The following FBXW4 variants were observed in gnomAD, a reference collection of about 807,000 sequenced individuals.
FBXW4 encodes F-box/WD repeat-containing protein 4.
In FBXW4, 40 loss-of-function variants were observed where a neutral mutation model predicts 61.8. That is an observed-to-expected ratio of 0.65 (90% CI 0.50 to 0.84). The LOEUF (loss-of-function observed/expected upper bound fraction) is 0.84. FBXW4 is among the 40% of genes least tolerant of loss of function. The pLI is 0.00. For missense variants in FBXW4, 672 were observed against 753.8 expected, an observed-to-expected ratio of 0.89 and a Z score of 1.27; for synonymous variants, 311 against 313.8, an observed-to-expected ratio of 0.99 and a Z score of 0.10.
intron 5 of FBXW4, among the ~76,000 whole-genome samples, chr10:101,657,600 A>T (rs975441753): frequency 7.5e-6 from 1 of 133,530 alleles, no homozygotes; most frequent in African/African-American, 2.8e-5. Flanking sequence ...TCATCACGCC[A>T]CTGTAGTCCA....
intron 1 of FBXW4, among the ~76,000 whole-genome samples, chr10:101,691,396 C>T (rs984720173): frequency 1.3e-5 from 2 of 152,152 alleles, no homozygotes; most frequent in African/African-American, 2.4e-5. Flanking sequence ...CCAGAAAACC[C>T]GAGCAGTGAC....
chr10:101,665,317 T>C (rs2064287676), intron 5 of FBXW4, among the ~76,000 whole-genome samples: 1 of 152,046 alleles, frequency 6.6e-6, no homozygotes, highest in African/African-American at 2.4e-5. Context: ...GGGAAGACCA[T>C]CTTAAAAACT....
chr10:101,674,924 G>A (rs1009830615), intron 2 of FBXW4, among the ~76,000 whole-genome samples: 2 of 152,164 alleles, frequency 1.3e-5, no homozygotes, highest in Non-Finnish European at 2.9e-5. Context: ...TCTACATAGG[G>A]GTTCTGGAGT....
At chr10:101,612,602 G>C (rs1045482307) in intron 6 of FBXW4, 125 bp from the exon 7 acceptor site, 2 of 1,126,614 alleles carry the variant, frequency 1.8e-6, no homozygotes, top group Non-Finnish European at 2.4e-6. Flanking sequence ...ACTCAAGGAA[G>C]GGGGCTCAGG....
chr10:101,660,887 G>A (rs1249585035), intron 5 of FBXW4, among the ~76,000 whole-genome samples: 1 of 152,066 alleles, frequency 6.6e-6, no homozygotes, highest in Non-Finnish European at 1.5e-5. Flanking sequence ...TTTACTTGTC[G>A]GTCTCTCCCA....
At chr10:101,672,323 G>C (rs1003296712) in intron 4 of FBXW4, among the ~76,000 whole-genome samples, 1 of 152,190 alleles carries the variant, frequency 6.6e-6, no homozygotes, top group African/African-American at 2.4e-5. Context: ...ATGTGGATGA[G>C]TCCATGAAGC....
At position 101,694,759 on chromosome 10, in the gene FBXW4, T is replaced by C; in HGVS notation, c.347A>G (p.Glu116Gly). 7.4e-7 allele frequency: 1 copy of C among 1,355,952 alleles called. No homozygotes were observed. 84.0% of individuals were successfully genotyped at this position (1,355,952 alleles called of 1,614,324 possible). ...CCTCCATTCCTCCTTCTTCCCATAC[T>C]CTCTTCCTTGTGCCTCCTTCCCGGC... is the stretch of plus-strand genomic sequence containing the variant. ...AGAGKEAQGREYGKKEEWRVR... is the reference protein window; with the variant it reads ...AGAGKEAQGRGYGKKEEWRVR... The change falls in exon 1 of 9, where the codon GAG (glutamate) becomes GGG (glycine). Residue 116 changes from glutamate to glycine, a missense_variant. Around this residue, in one of 5 missense-constraint regions of FBXW4, gnomAD observed 311 missense variants for 301.1 expected, o/e 1.03. Transcript: ENST00000331272. This position sits in a 1 kb window ranked among gnomAD's most constrained non-coding sequence, Gnocchi z 6.0.
intron 5 of FBXW4, among the ~76,000 whole-genome samples, chr10:101,632,740 C>G (rs2063969247): frequency 1.3e-5 from 2 of 152,150 alleles, no homozygotes. Context: ...GCCCCTTAAA[C>G]AACTGTTCCA....
chr10:101,614,063 C>T (rs1024011446), intron 6 of FBXW4, among the ~76,000 whole-genome samples: 1 of 152,252 alleles, frequency 6.6e-6, no homozygotes, highest in Non-Finnish European at 1.5e-5. Context: ...ATTCAGCCAC[C>T]CTGGGCAGGC....
intron 6 of FBXW4, among the ~76,000 whole-genome samples, chr10:101,619,173 T>C (rs956979570): frequency 1.3e-5 from 2 of 152,218 alleles, no homozygotes; most frequent in Non-Finnish European, 2.9e-5. Context: ...GATACTTCAG[T>C]GGTTGGTCAA....
At chr10:101,649,599 T>C (rs757031643) in intron 5 of FBXW4, among the ~76,000 whole-genome samples, 46 of 152,260 alleles carry the variant, frequency 3.0e-4, no homozygotes, top group Non-Finnish European at 5.7e-4. Flanking sequence ...TTCTTACTGA[T>C]GGGTTCCTTT....
At chr10:101,693,448 T>C (rs1424899819) in intron 1 of FBXW4, among the ~76,000 whole-genome samples, 1 of 152,208 alleles carries the variant, frequency 6.6e-6, no homozygotes, top group African/African-American at 2.4e-5. Context: ...CCCACAAACA[T>C]TTACTATGTA....
intron 5 of FBXW4, among the ~76,000 whole-genome samples, chr10:101,635,352 A>G (rs2063992215): frequency 6.6e-6 from 1 of 151,974 alleles, no homozygotes; most frequent in South Asian, 2.1e-4. Context: ...TTACAATATA[A>G]TAATAATAGA....
intron 5 of FBXW4, chr10:101,627,899 G>C (rs2063919878): frequency 1.1e-6 from 1 of 948,536 alleles, no homozygotes; most frequent in South Asian, 4.9e-5. Context: ...TGGTGGGGTG[G>C]GATCTGTGCA....
intron 5 of FBXW4, among the ~76,000 whole-genome samples, chr10:101,645,967 G>C (rs1370787580): frequency 2.0e-5 from 3 of 152,194 alleles, no homozygotes; most frequent in Admixed American, 6.5e-5. Flanking sequence ...GTAAACTGAG[G>C]ATGATGATGG....
chr10:101,694,868 A>G lies in FBXW4; in HGVS notation c.238T>C (p.Cys80Arg). The G allele has an allele frequency of 8.0e-7, 1 of 1,248,072 alleles. No homozygotes were observed. The highest frequency in any genetic ancestry group is 1.0e-6 in the Non-Finnish European group (1 of 997,750). The allele number at this position is 1,248,072 out of a possible 1,614,324, so 77.3% of individuals were successfully genotyped here. A position where few individuals can be genotyped will look rare whatever the true frequency, so the allele number is the denominator to read the frequency against. The change falls in exon 1 of 9, where the codon TGC becomes CGC. Residue 80 changes from cysteine to arginine, a missense_variant. Cys to Arg is a radical substitution (Grantham distance 180, BLOSUM62 -3). Transcript: ENST00000331272. The surrounding 1 kb of genome is among the most constrained non-coding windows in gnomAD (Gnocchi z 6.0). ...CCTCCCTCTGCTTCCTCCCTTGGGC[A>G]TGCCCTCGCTCCCGCGTCAGCCCCC... is the stretch of plus-strand genomic sequence containing the variant. The part of the protein sequence containing the change: ...GPGADAGARA[C>R]PREEAEGGRS...
chr10:101,671,995 C>T (rs941658667), intron 4 of FBXW4, among the ~76,000 whole-genome samples: 1 of 152,180 alleles, frequency 6.6e-6, no homozygotes, highest in Non-Finnish European at 1.5e-5. Flanking sequence ...GGTGTAATCA[C>T]CAGAGGGTAC....
At chr10:101,628,375 C>T (rs1458146789) in intron 5 of FBXW4, among the ~76,000 whole-genome samples, 1 of 152,186 alleles carries the variant, frequency 6.6e-6, no homozygotes, top group Non-Finnish European at 1.5e-5. Context: ...CCTTCTAGTC[C>T]TTTCCATACT....
At chr10:101,687,907 A>G (rs1446098163) in intron 1 of FBXW4, among the ~76,000 whole-genome samples, 1 of 152,220 alleles carries the variant, frequency 6.6e-6, no homozygotes, top group Non-Finnish European at 1.5e-5. Flanking sequence ...CCACCAACAA[A>G]GAAGTCCATG....
Sources: allele counts gnomAD v4.1 joint callset (sites outside exome capture counted in the v4.1 genomes callset), GRCh38; gene constraint gnomAD v4.1.1; regional missense constraint gnomAD v4.1.1; non-coding constraint Gnocchi (gnomAD v3.1); transcripts MANE v1.5; gene names NCBI Gene and HGNC (gene_info 2026-07-23, HGNC 2026-07-21).